RALGPS1: variants seen among roughly 807,000 people sequenced by gnomAD.
The protein encoded by RALGPS1 is ras-specific guanine nucleotide-releasing factor RalGPS1.
Under a neutral mutation model 78.8 loss-of-function variants are expected in RALGPS1, and 19 were observed. The observed-to-expected ratio is 0.24, with a 90% CI of 0.17 to 0.35. RALGPS1 has a LOEUF of 0.35. RALGPS1 is among the 10% of genes least tolerant of loss of function. The pLI is 1.00. For synonymous variants in RALGPS1, 228 were observed against 256.3 expected (o/e 0.89, Z 1.06); for missense variants, 454 against 688.3 (o/e 0.66, Z 3.81).
At position 127,205,262 on chromosome 9, in the gene RALGPS1, G is replaced by GC. The variant is rs913929290; in HGVS notation, c.1247+6202dup. 2.0e-5 allele frequency among the ~76,000 whole-genome samples: 3 copies of GC among 152,156 alleles called. No individual in the cohort carries two copies. The highest frequency in any genetic ancestry group is 4.4e-5 in the Non-Finnish European group (3 of 68,018). On this transcript the variant is annotated intron_variant, in intron 14 of 18. Transcript: ENST00000259351. The surrounding 1 kb of genome is among the most constrained non-coding windows in gnomAD (Gnocchi z 4.0). Reference sequence around the variant, plus strand: ...AGCCTGCAGCCTCTTCAGGTCCCAGGCCCCCCGTCGAGGGATCACTAGGGT... The same window carrying GC: ...AGCCTGCAGCCTCTTCAGGTCCCAGGCCCCCCCGTCGAGGGATCACTAGGGT...
intron 10 of RALGPS1, among the ~76,000 whole-genome samples, chr9:127,172,378 T>TA (rs1332576700): frequency 3.9e-5 from 6 of 152,222 alleles, no homozygotes; most frequent in African/African-American, 9.7e-5. Context: ...AAGAATTCCT[T>TA]AAAGTTCAAA....
At chr9:126,938,827 T>A (rs2036503946) in intron 1 of RALGPS1, among the ~76,000 whole-genome samples, 1 of 152,196 alleles carries the variant, frequency 6.6e-6, no homozygotes, top group African/African-American at 2.4e-5. Context: ...ACCTAGGGCA[T>A]CACTGAGATT....
chr9:127,001,832 C>T (rs1232767279), intron 4 of RALGPS1, among the ~76,000 whole-genome samples: 2 of 151,998 alleles, frequency 1.3e-5, no homozygotes, highest in Admixed American at 1.3e-4. Flanking sequence ...TGCAGTGAGC[C>T]GAGATCGTGC....
Position 127,122,784 on chromosome 9 carries a change from C to T in RALGPS1, c.611-43285C>T, listed in dbSNP as rs915076077. ...GAAAGGCTCCGGGCCTCCCCTCAGC[C>T]CCAGACAGAGGCGGGCCGCCCGGTG... On this transcript the variant is annotated intron_variant, in intron 8 of 18. Coordinates refer to ENST00000259351, the MANE Select transcript of RALGPS1 (RefSeq NM_014636.3). The surrounding 1 kb of genome is among the most constrained non-coding windows in gnomAD (Gnocchi z 6.4). 6.6e-6 allele frequency: 1 copy of T among 152,418 alleles called. No individual in the cohort carries two copies. Among genetic ancestry groups the T allele is most frequent in the Admixed American group, 6.5e-5 (1 of 15,292 alleles). 9.4% of individuals were successfully genotyped at this position (152,418 alleles called of 1,614,324 possible).
rs78958838 is a variant in RALGPS1, at chr9:127,193,171, A to G, written c.911-1920A>G. The stretch of plus-strand genomic sequence containing the variant: ...TATCAGAGGAGACGGGTAGGACCTG[A>G]GAGAAGAGAAGGGCCCCGGCCTGGT... On this transcript the variant is annotated intron_variant, in intron 11 of 18. Coordinates refer to ENST00000259351, the MANE Select transcript of RALGPS1 (RefSeq NM_014636.3). 5.8e-3 allele frequency among the ~76,000 whole-genome samples: 876 copies of G among 152,118 alleles called. 27 individuals carry two copies. The East Asian group carries it at 0.094, about 16-fold the overall frequency.
chr9:127,055,133 G>A (rs146396129), intron 7 of RALGPS1, among the ~76,000 whole-genome samples: 1 of 152,294 alleles, frequency 6.6e-6, no homozygotes, highest in East Asian at 1.9e-4. Context: ...CAGGCCATCT[G>A]GGTTGTGTTC....
intron 11 of RALGPS1, among the ~76,000 whole-genome samples, chr9:127,180,666 A>T (rs1015468093): frequency 1.3e-5 from 2 of 152,042 alleles, no homozygotes; most frequent in African/African-American, 4.8e-5. Flanking sequence ...GACATCGGGG[A>T]GTTGGTAGGG....
chr9:127,088,672 A>G, intron 8 of RALGPS1: 3 of 508,460 alleles, frequency 5.9e-6, no homozygotes, highest in Non-Finnish European at 7.1e-6. Context: ...TAGAGACTTA[A>G]TTTATTTAAA....
chr9:126,952,652 A>AGTGTGTGTGTGTGTGTGT lies in RALGPS1; in HGVS notation c.-65-9572_-65-9571insTGTGTGTGTGTGTGTGTG, dbSNP rs768212640. ...CTGAGAGAGAGAGAGAGAGAGAGAG[A>AGTGTGTGTGTGTGTGTGT]GAGAGTGTGTGTGTGTGTGTGTGTG... On this transcript the variant is annotated intron_variant, in intron 1 of 18. Coordinates refer to ENST00000259351, the MANE Select transcript of RALGPS1 (RefSeq NM_014636.3). Among the ~76,000 whole-genome samples the AGTGTGTGTGTGTGTGTGT allele has an allele frequency of 6.6e-3, 811 of 122,098 alleles. 5 individuals are homozygous for AGTGTGTGTGTGTGTGTGT. Among genetic ancestry groups the AGTGTGTGTGTGTGTGTGT allele is most frequent in the East Asian group, 0.011 (32 of 2,906 alleles). The allele number at this position is 122,098 out of a possible 152,430, so 80.1% of individuals were successfully genotyped here.
chr9:126,953,502 A>T (rs2038058533), intron 1 of RALGPS1, among the ~76,000 whole-genome samples: 1 of 152,198 alleles, frequency 6.6e-6, no homozygotes, highest in Non-Finnish European at 1.5e-5. Context: ...TGCTCTCACC[A>T]TTATGCCAGG....
rs2062766789 is a variant in RALGPS1, at chr9:127,221,273, G to A, written c.*2504G>A. ...TCCATGGGTAGACCCTCCCCCTGGAGGGAAGCATTTCTAGTTTTTGCTCCT... is the reference window on the plus strand; with the variant it reads ...TCCATGGGTAGACCCTCCCCCTGGAAGGAAGCATTTCTAGTTTTTGCTCCT... On this transcript the variant is annotated 3_prime_UTR_variant, in exon 19 of 19. Coordinates refer to ENST00000259351, the MANE Select transcript of RALGPS1 (RefSeq NM_014636.3). 1 of 152,234 alleles carries A rather than the reference G, an allele frequency of 6.6e-6. No individual in the cohort carries two copies. The highest frequency in any genetic ancestry group is 2.4e-5 in the African/African-American group (1 of 41,446). The allele number at this position is 152,234 out of a possible 1,614,324, so 9.4% of individuals were successfully genotyped here.
At chr9:127,165,648 TAGAC>T (rs938228541) in intron 8 of RALGPS1, among the ~76,000 whole-genome samples, 15 of 152,174 alleles carry the variant, frequency 9.9e-5, no homozygotes, top group African/African-American at 3.6e-4. Flanking sequence ...GATAGACAAA[TAGAC>T]AGCTGGGCAA....
chr9:127,033,082 A>G (rs1203486025), intron 4 of RALGPS1, among the ~76,000 whole-genome samples: 1 of 152,346 alleles, frequency 6.6e-6, no homozygotes, highest in Admixed American at 6.5e-5. Flanking sequence ...AAATGGTAGC[A>G]CCAGTGAATT....
intron 1 of RALGPS1, among the ~76,000 whole-genome samples, chr9:126,919,379 A>T (rs2034523036): frequency 6.6e-6 from 1 of 152,222 alleles, no homozygotes; most frequent in Admixed American, 6.5e-5. Context: ...CCCAGTGAAC[A>T]GTAGATTAAA....
chr9:127,165,856 A>G (rs1247695885), intron 8 of RALGPS1, among the ~76,000 whole-genome samples: 1 of 152,268 alleles, frequency 6.6e-6, no homozygotes, highest in Non-Finnish European at 1.5e-5. Context: ...TCTTGCCAGC[A>G]TACATTTTGG....
Position 127,218,897 on chromosome 9 carries a change from C to T in RALGPS1, c.*128C>T. On this transcript the variant is annotated 3_prime_UTR_variant, in exon 19 of 19. Transcript: ENST00000259351. The surrounding 1 kb of genome is among the most constrained non-coding windows in gnomAD (Gnocchi z 4.4). Reference sequence around the variant, plus strand: ...GAAACTCACAGCTGGACTCAGGGGACACGGCCTGTGGCCTCACCATCCCAG... The same window carrying T: ...GAAACTCACAGCTGGACTCAGGGGATACGGCCTGTGGCCTCACCATCCCAG... The T allele has an allele frequency of 1.8e-6, 2 of 1,104,440 alleles. No individual in the cohort carries two copies. Among genetic ancestry groups the T allele is most frequent in the Non-Finnish European group, 1.4e-6 (1 of 724,230 alleles). 68.4% of individuals were successfully genotyped at this position (1,104,440 alleles called of 1,614,324 possible).
chr9:127,088,821 C>T, intron 8 of RALGPS1: 5 of 1,190,136 alleles, frequency 4.2e-6, no homozygotes, highest in Non-Finnish European at 4.9e-6. Flanking sequence ...CAGAATCCAG[C>T]ATCCCGGTCC....
At chr9:126,997,024 G>C (rs1457210295) in intron 4 of RALGPS1, among the ~76,000 whole-genome samples, 2 of 151,978 alleles carry the variant, frequency 1.3e-5, no homozygotes, top group African/African-American at 2.4e-5. Flanking sequence ...ATATTGATGG[G>C]ACGTATCTCA....
chr9:127,204,399 C>T lies in RALGPS1; in HGVS notation c.1247+5333C>T, dbSNP rs145908311. Among the ~76,000 whole-genome samples the T allele has an allele frequency of 2.9e-3, 439 of 152,246 alleles. 4 individuals are homozygous for T. The highest frequency in any genetic ancestry group is 0.01 in the African/African-American group (417 of 41,544). Reference sequence around the variant, plus strand: ...ACTTCCAAAGTGCTGGGATGACAGGCAGGAGCCACTATGTCCAGCCTGAGT... The same window carrying T: ...ACTTCCAAAGTGCTGGGATGACAGGTAGGAGCCACTATGTCCAGCCTGAGT... On this transcript the variant is annotated intron_variant, in intron 14 of 18. Transcript: ENST00000259351.
Sources: gnomAD v4.1 joint callset for allele counts (sites outside exome capture counted in the v4.1 genomes callset) on GRCh38, gnomAD v4.1.1 for gene constraint, Gnocchi (gnomAD v3.1) non-coding constraint, MANE v1.5 for transcripts, NCBI Gene and HGNC (gene_info 2026-07-23, HGNC 2026-07-21) for gene names.